The following JADE2 variants were observed in gnomAD, a reference collection of about 807,000 sequenced individuals.
JADE2 encodes jade family PHD finger 2.
A neutral mutation model predicts 85.7 loss-of-function variants in JADE2; 13 were observed. That is an observed-to-expected ratio of 0.15 (90% confidence interval 0.10 to 0.24). The LOEUF is 0.24. Ranked by LOEUF, JADE2 falls within the 10% of genes least tolerant of loss-of-function variation. The probability of loss-of-function intolerance (pLI) is 1.00; values close to 1 mark genes in which losing one functional copy is unlikely to be tolerated. For missense variants in JADE2, 846 were observed against 1,115.9 expected (o/e 0.76, Z 3.45); for synonymous variants, 440 against 456.1 (o/e 0.96, Z 0.45).
chr5:134,559,708 C>T (rs1296616344), intron 4 of JADE2, 122 bp from the exon 5 acceptor site: 2 of 916,876 alleles, frequency 2.2e-6, no homozygotes, highest in Non-Finnish European at 3.2e-6. Context: ...GAGGTGGGCC[C>T]TGTGTGGTGT....
intron 3 of JADE2, 91 bp from the exon 4 acceptor site, chr5:134,551,961 G>A (rs1762617408): frequency 8.6e-7 from 1 of 1,165,280 alleles, no homozygotes; most frequent in African/African-American, 1.5e-5. Context: ...ATGTCCACTT[G>A]AGTTGCATGT....
chr5:134,561,372 T>A (rs367892066), intron 6 of JADE2, among the ~76,000 whole-genome samples: 7 of 152,348 alleles, frequency 4.6e-5, no homozygotes, highest in African/African-American at 1.7e-4. Context: ...TCTGGGCCTG[T>A]GTTTTCTCAG....
In JADE2 at chr5:134,531,883, C is replaced by CTTTTTTTTTTTT. The variant is rs1160758941; in HGVS notation, c.1-3956_1-3945dup. Among the ~76,000 whole-genome samples, 18 of 38,480 alleles carry CTTTTTTTTTTTT rather than the reference C, an allele frequency of 4.7e-4. 6 individuals are homozygous for CTTTTTTTTTTTT. The highest frequency in any genetic ancestry group is 1.8e-3 in the Admixed American group (4 of 2,282). The allele number at this position is 38,480 out of a possible 152,430, so 25.2% of individuals were successfully genotyped here. A position where few individuals can be genotyped will look rare whatever the true frequency, so the allele number is the denominator to read the frequency against. Reference sequence around the variant, plus strand: ...TATAAGGATGAGCCACCGTGCCTGGCTTTTTTTTTTTTTTTTTTTTTTTTT... The same window carrying CTTTTTTTTTTTT: ...TATAAGGATGAGCCACCGTGCCTGGCTTTTTTTTTTTTTTTTTTTTTTTTTTTTTTTTTTTTT... On this transcript the variant is annotated intron_variant, in intron 1 of 11. Coordinates refer to ENST00000681547, the MANE Select transcript of JADE2 (RefSeq NM_001388185.1).
chr5:134,546,710 G>A (rs1762313297), intron 3 of JADE2, among the ~76,000 whole-genome samples: 1 of 151,502 alleles, frequency 6.6e-6, no homozygotes, highest in African/African-American at 2.4e-5. Flanking sequence ...GGAGGTTGCA[G>A]TGAGCCGAGA....
rs768406068 is a variant in JADE2, at chr5:134,566,471, C to T, written c.1325C>T (p.Pro442Leu). The change falls in exon 9 of 12, where the codon CCG (proline) becomes CTG (leucine). Residue 442 changes from proline to leucine, a missense_variant. Around this residue, in one of 9 missense-constraint regions of JADE2, gnomAD observed 88 missense variants for 140.6 expected, o/e 0.63. Transcript: ENST00000681547. This position sits in a 1 kb window ranked among gnomAD's most constrained non-coding sequence, Gnocchi z 6.7. ...AAGAGGAAAGCCAATGCCAACCAGC[C>T]GCTGCTGACCCCCAAGACCGACGAG... ...KLKRKANANQ[P>L]LLTPKTDEVD... The T allele has an allele frequency of 9.4e-5, 151 of 1,613,254 alleles. No homozygotes were observed. The highest frequency in any genetic ancestry group is 1.3e-4 in the Non-Finnish European group (148 of 1,179,716).
At chr5:134,557,068 C>T (rs1762996646) in intron 4 of JADE2, among the ~76,000 whole-genome samples, 1 of 139,122 alleles carries the variant, frequency 7.2e-6, no homozygotes, top group Admixed American at 7.1e-5. Context: ...TCACATAAAA[C>T]ACACACACAC....
At chr5:134,571,638 A>T (rs1764026221) in intron 9 of JADE2, among the ~76,000 whole-genome samples, 1 of 152,216 alleles carries the variant, frequency 6.6e-6, no homozygotes, top group Non-Finnish European at 1.5e-5. Context: ...CCGAGGTTGC[A>T]GTGAGCCAAG....
Position 134,580,551 on chromosome 5 carries a change from A to C in JADE2, c.*1234A>C, listed in dbSNP as rs1764662191. 1 of 151,626 alleles carries C rather than the reference A, an allele frequency of 6.6e-6. No individual in the cohort carries two copies. Among genetic ancestry groups the C allele is most frequent in the East Asian group, 1.9e-4 (1 of 5,156 alleles). 9.4% of individuals were successfully genotyped at this position (151,626 alleles called of 1,614,324 possible). On this transcript the variant is annotated 3_prime_UTR_variant, in exon 12 of 12. Coordinates refer to ENST00000681547, the MANE Select transcript of JADE2 (RefSeq NM_001388185.1). ...AGGGTGATAGCTCAGGGAACAACAA[A>C]AAAGGAATTCCGTGAAAACATTTTT...
chr5:134,532,120 A>G (rs1761285923), intron 1 of JADE2, among the ~76,000 whole-genome samples: 1 of 151,928 alleles, frequency 6.6e-6, no homozygotes, highest in African/African-American at 2.4e-5. Context: ...CCTAAGCTCA[A>G]GTGAGCCACC....
At chr5:134,541,293 A>G (rs1561732272) in intron 3 of JADE2, among the ~76,000 whole-genome samples, 1 of 152,352 alleles carries the variant, frequency 6.6e-6, no homozygotes, top group Middle Eastern at 3.4e-3. Context: ...ATAAATTCCA[A>G]CTTATCTTGG....
chr5:134,572,756 A>G (rs1407397213), intron 9 of JADE2, among the ~76,000 whole-genome samples: 2 of 152,258 alleles, frequency 1.3e-5, no homozygotes, highest in Non-Finnish European at 2.9e-5. Flanking sequence ...CACTGGGGTA[A>G]GGTGCCAGGT....
intron 1 of JADE2, among the ~76,000 whole-genome samples, chr5:134,533,199 C>A (rs1178179550): frequency 6.6e-6 from 1 of 152,168 alleles, no homozygotes; most frequent in Admixed American, 6.5e-5. Flanking sequence ...GACTTTCCGA[C>A]CTGGTCCAAG....
chr5:134,539,299 G>A (rs1177963143), intron 3 of JADE2, among the ~76,000 whole-genome samples: 6 of 152,214 alleles, frequency 3.9e-5, no homozygotes, highest in East Asian at 3.9e-4. Flanking sequence ...TCCTGACCTT[G>A]TGATCCGCCC....
At chr5:134,527,156 C>A (rs1338591599) in intron 1 of JADE2, among the ~76,000 whole-genome samples, 11 of 151,826 alleles carry the variant, frequency 7.2e-5, no homozygotes, top group Non-Finnish European at 1.3e-4. Context: ...GCCGGATCCC[C>A]GGCCCCGCCC....
At position 134,579,508 on chromosome 5, in the gene JADE2, C is replaced by T; in HGVS notation, c.*191C>T. 1.7e-6 allele frequency: 1 copy of T among 571,646 alleles called. No individual in the cohort carries two copies. 35.4% of individuals were successfully genotyped at this position (571,646 alleles called of 1,614,324 possible). ...GTCTTTCCTCTGTGCTGGCCTAGGACATTAGGATTCCTTCCACGGCTCCGG... is the reference window on the plus strand; with the variant it reads ...GTCTTTCCTCTGTGCTGGCCTAGGATATTAGGATTCCTTCCACGGCTCCGG... On this transcript the variant is annotated 3_prime_UTR_variant, in exon 12 of 12. Coordinates refer to ENST00000681547, the MANE Select transcript of JADE2 (RefSeq NM_001388185.1). This position sits in a 1 kb window ranked among gnomAD's most constrained non-coding sequence, Gnocchi z 4.6.
Position 134,578,585 on chromosome 5 carries a change from G to A in JADE2, c.1773G>A (p.Met591Ile). ...SVQITAENMA[M>I]SEWPLNNGHR... ...AGATCACAGCAGAGAACATGGCCAT[G>A]AGCGAGTGGCCACTGAACAATGGGC... Residue 591 changes from methionine to isoleucine, a missense_variant, in exon 12 of 12, where the codon ATG becomes ATA. Around this residue, in one of 9 missense-constraint regions of JADE2, gnomAD observed 119 missense variants for 163.9 expected, o/e 0.73. Coordinates refer to ENST00000681547, the MANE Select transcript of JADE2 (RefSeq NM_001388185.1). The surrounding 1 kb of genome is among the most constrained non-coding windows in gnomAD (Gnocchi z 4.4). 2 of 1,614,076 alleles carry A rather than the reference G, an allele frequency of 1.2e-6. No homozygotes were observed. The highest frequency in any genetic ancestry group is 1.7e-6 in the Non-Finnish European group (2 of 1,179,976).
At chr5:134,526,579 A>T in intron 1 of JADE2, 1 of 985,316 alleles carries the variant, frequency 1.0e-6, no homozygotes. Flanking sequence ...CGCTGGGCTC[A>T]CGTGCAGCCG....
chr5:134,561,043 C>A, intron 6 of JADE2, 86 bp downstream of exon 6: 1 of 1,171,948 alleles, frequency 8.5e-7, no homozygotes, highest in Non-Finnish European at 1.2e-6. Context: ...TCCAGGGGCA[C>A]TGTGGACAGA....
intron 2 of JADE2, among the ~76,000 whole-genome samples, chr5:134,537,707 G>A (rs1761683748): frequency 6.6e-6 from 1 of 152,176 alleles, no homozygotes; most frequent in Admixed American, 6.5e-5. Context: ...GAGTCCCACA[G>A]AGGGCCAAGG....
Sources: allele counts gnomAD v4.1 joint callset (sites outside exome capture counted in the v4.1 genomes callset), GRCh38; gene constraint gnomAD v4.1.1; regional missense constraint gnomAD v4.1.1; non-coding constraint Gnocchi (gnomAD v3.1); transcripts MANE v1.5; gene names NCBI Gene and HGNC (gene_info 2026-07-23, HGNC 2026-07-21).